Variants in ABCA8 observed in about 807,000 individuals in gnomAD.
The protein encoded by ABCA8 is ATP binding cassette subfamily A member 8.
In ABCA8, 177 loss-of-function variants were observed where a neutral mutation model predicts 192.3. The ratio of observed to expected loss-of-function variants is 0.92; its 90% CI spans 0.81 to 1.04. The LOEUF is 1.04. Ranked by LOEUF, ABCA8 falls within the 50% of genes least tolerant of loss-of-function variation. The probability of loss-of-function intolerance (pLI) is 0.00; values close to 1 mark genes in which losing one functional copy is unlikely to be tolerated. For synonymous variants in ABCA8, 642 were observed against 690.2 expected, an observed-to-expected ratio of 0.93 and a Z score of 1.09; for missense variants, 1,915 against 1,904.8, an observed-to-expected ratio of 1.01 and a Z score of -0.10.
At chr17:68,953,569 C>T (rs1028039451) in intron 1 of ABCA8, among the ~76,000 whole-genome samples, 4 of 152,074 alleles carry the variant, frequency 2.6e-5, no homozygotes, top group Admixed American at 1.3e-4. Context: ...GGCTGAGGGG[C>T]AGGCCTAAGT....
At chr17:68,874,102 C>T (rs190751691) in intron 37 of ABCA8, among the ~76,000 whole-genome samples, 78 of 152,220 alleles carry the variant, frequency 5.1e-4, no homozygotes, top group Admixed American at 4.0e-3. Context: ...TGTTGTTGGC[C>T]CCTTGGATGG....
intron 23 of ABCA8, 79 bp from the exon 24 acceptor site, chr17:68,891,675 G>T: frequency 9.2e-7 from 1 of 1,091,604 alleles, no homozygotes; most frequent in Non-Finnish European, 1.3e-6. Flanking sequence ...TAAAATTTTA[G>T]ACTAAGTTTA....
chr17:68,950,872 A>T (rs2068549746), intron 1 of ABCA8, among the ~76,000 whole-genome samples: 1 of 152,130 alleles, frequency 6.6e-6, no homozygotes, highest in African/African-American at 2.4e-5. Flanking sequence ...AGTTTTTGTC[A>T]TCAAGGCAGG....
intron 4 of ABCA8, among the ~76,000 whole-genome samples, chr17:68,938,406 G>A (rs2068131198): frequency 6.6e-6 from 1 of 151,996 alleles, no homozygotes; most frequent in Non-Finnish European, 1.5e-5. Context: ...AAGCTTGAGT[G>A]GAATTTGGAC....
intron 7 of ABCA8, among the ~76,000 whole-genome samples, chr17:68,931,543 C>G (rs1402349495): frequency 6.6e-6 from 1 of 151,906 alleles, no homozygotes; most frequent in East Asian, 1.9e-4. Context: ...TTATCTTCCT[C>G]CTTTCTAAAA....
In ABCA8 at chr17:68,917,413, C is replaced by A. The variant is rs755088665; in HGVS notation, c.2086G>T (p.Ala696Ser). 4 of 1,612,092 alleles carry A rather than the reference C, an allele frequency of 2.5e-6. No homozygotes were observed. The African/African-American group carries it at 4.0e-5, about 16-fold the overall frequency. Residue 696 changes from alanine to serine, a missense_variant, in exon 17 of 40, where the codon GCG (alanine) becomes TCG (serine). Ala to Ser is a moderately conservative substitution (Grantham distance 99). Coordinates refer to ENST00000586539, the MANE Select transcript of ABCA8 (RefSeq NM_001288985.2). ...VFLSQGKLKC[A>S]GSSLFLKKKW... Reference sequence around the variant, plus strand: ...TTCTTTAGAAACAAAGAAGAGCCCGCGCACTTTAGCTTCCCTTGGGAGAGA... The same window carrying A: ...TTCTTTAGAAACAAAGAAGAGCCCGAGCACTTTAGCTTCCCTTGGGAGAGA...
At position 68,924,704 on chromosome 17, in the gene ABCA8, A is replaced by C; in HGVS notation, c.1439T>G (p.Ile480Ser). The C allele has an allele frequency of 1.2e-6, 2 of 1,612,590 alleles. No homozygotes were observed. The highest frequency in any genetic ancestry group is 1.7e-6 in the Non-Finnish European group (2 of 1,179,552). ...TCTCCACCTGCAGCCTTATTACCTG[A>C]TGGCTTCTTTCCCTTGGAATTCTGG... is the stretch of plus-strand genomic sequence containing the variant. The part of the protein sequence containing the change: ...APPEFQGKEA[I>S]RIRNVTKEYK... The change falls in exon 11 of 40, where the codon ATC becomes AGC. Residue 480 changes from isoleucine (I) to serine (S), a missense_variant. Ile to Ser is a moderately radical substitution (Grantham distance 142). Coordinates refer to ENST00000586539, the MANE Select transcript of ABCA8 (RefSeq NM_001288985.2).
At chr17:68,868,221 G>C in intron 39 of ABCA8, 38 bp from the exon 40 acceptor site, 1 of 1,605,474 alleles carries the variant, frequency 6.2e-7, no homozygotes, top group Non-Finnish European at 8.5e-7. Flanking sequence ...GGAGAACAAT[G>C]CCGTGCTGCC....
rs765108435 is a variant in ABCA8, at chr17:68,924,768, C to G, written c.1375G>C (p.Ala459Pro). 1.9e-6 allele frequency: 3 copies of G among 1,614,122 alleles called. No homozygotes were observed. Among genetic ancestry groups the G allele is most frequent in the Non-Finnish European group, 2.5e-6 (3 of 1,179,978 alleles). Residue 459 changes from alanine to proline, a missense_variant, in exon 11 of 40, where the codon GCC becomes CCC. By Grantham distance (27) the Ala-to-Pro change is conservative. Transcript: ENST00000586539. The stretch of plus-strand genomic sequence containing the variant: ...AAAGAGTCATGAAATGAAGGATCGG[C>G]ATCCATTTCATCTTCAAGGGCCACG... ...DHVALEDEMD[A>P]DPSFHDSFEQ...
chr17:68,917,530 T>C, intron 16 of ABCA8, 79 bp from the exon 17 acceptor site: 1 of 986,468 alleles, frequency 1.0e-6, no homozygotes, highest in Non-Finnish European at 1.5e-6. Context: ...GGTAATCATC[T>C]ATATAATCAA....
chr17:68,899,507 T>C (rs1206793198), intron 21 of ABCA8, among the ~76,000 whole-genome samples: 4 of 152,014 alleles, frequency 2.6e-5, no homozygotes, highest in African/African-American at 9.7e-5. Flanking sequence ...CTAGAAAGCA[T>C]AAGAGACATT....
chr17:68,923,634 G>A (rs1328495121), intron 11 of ABCA8, among the ~76,000 whole-genome samples: 2 of 152,214 alleles, frequency 1.3e-5, no homozygotes, highest in African/African-American at 2.4e-5. Flanking sequence ...TAAAGCCACT[G>A]TTTTGCTCTG....
At position 68,911,760 on chromosome 17, in the gene ABCA8, C is replaced by CACAA. The variant is rs1162207125; in HGVS notation, c.2139-3882_2139-3881insTTGT. ...ACACACACACACACACACACACACA[C>CACAA]ACACACACACTCCATTTGGAGAAAG... On this transcript the variant is annotated intron_variant, in intron 17 of 39. Transcript: ENST00000586539. This position sits in a 1 kb window ranked among gnomAD's most constrained non-coding sequence, Gnocchi z 5.7. 1.3e-5 allele frequency among the ~76,000 whole-genome samples: 2 copies of CACAA among 151,780 alleles called. No homozygotes were observed. Among genetic ancestry groups the CACAA allele is most frequent in the Non-Finnish European group, 2.9e-5 (2 of 67,982 alleles).
At chr17:68,886,920 C>G (rs577676978) in intron 26 of ABCA8, 97 bp downstream of exon 26, 15 of 649,018 alleles carry the variant, frequency 2.3e-5, no homozygotes, top group Middle Eastern at 3.4e-4. Flanking sequence ...TATTATAGAC[C>G]ATAATATTAT....
At chr17:68,894,397 G>A (rs2066695614) in intron 22 of ABCA8, 87 bp from the exon 23 acceptor site, 1 of 1,218,550 alleles carries the variant, frequency 8.2e-7, no homozygotes, top group East Asian at 2.5e-5. Flanking sequence ...TAAATTAAGA[G>A]GTTATGTTTT....
rs1598228344 is a variant in ABCA8, at chr17:68,903,402, T to C, written c.2496A>G (p.Arg832=). 1 of 1,614,196 alleles carries C rather than the reference T, an allele frequency of 6.2e-7. No homozygotes were observed. The highest frequency in any genetic ancestry group is 8.5e-7 in the Non-Finnish European group (1 of 1,180,024). The part of the protein sequence containing the change: ...EQVLSSLNKM[R]KTIGGVALWR... ...AGAGAGCCACACCACCTATTGTCTT[T>C]CTCATCTTGTTAAGTGAAGAGAGGA... Residue 832 remains arginine, a synonymous_variant, in exon 20 of 40, where the codon AGA becomes AGG. Coordinates refer to ENST00000586539, the MANE Select transcript of ABCA8 (RefSeq NM_001288985.2).
chr17:68,884,347 A>T lies in ABCA8; in HGVS notation c.3599T>A (p.Phe1200Tyr). 1.3e-6 allele frequency: 2 copies of T among 1,586,120 alleles called. No homozygotes were observed. Among genetic ancestry groups the T allele is most frequent in the Non-Finnish European group, 1.7e-6 (2 of 1,171,482 alleles). ...TGTTCTTACAATTAGGAATACCAGA[A>T]ATGGCTGTACATCCATTCGTTCTTC... ...FSEERMDVQP[F>Y]LVFLIPFLHF... is the part of the protein sequence containing the mutation. Residue 1200 changes from phenylalanine (F) to tyrosine (Y), a missense_variant, in exon 28 of 40, where the codon TTT (phenylalanine) becomes TAT (tyrosine). Transcript: ENST00000586539.
chr17:68,903,417 T>G lies in ABCA8; in HGVS notation c.2481A>C (p.Ser827=), dbSNP rs769621989. 3.7e-6 allele frequency: 6 copies of G among 1,613,976 alleles called. No homozygotes were observed. The African/African-American group carries it at 5.3e-5, about 14-fold the overall frequency. The change falls in exon 20 of 40, where the codon TCA becomes TCC. Residue 827 remains serine (S), a synonymous_variant. Transcript: ENST00000586539. ...RLVEMEQVLS[S]LNKMRKTIGG... is the part of the protein sequence containing the mutation. The stretch of plus-strand genomic sequence containing the variant: ...CTATTGTCTTTCTCATCTTGTTAAG[T>G]GAAGAGAGGACTTGTTCCATCTCAA...
intron 2 of ABCA8, among the ~76,000 whole-genome samples, chr17:68,943,949 A>G (rs2068303391): frequency 6.6e-6 from 1 of 152,152 alleles, no homozygotes; most frequent in Non-Finnish European, 1.5e-5. Flanking sequence ...TGTGGCATAT[A>G]TACACCATGG....
Sources: allele counts gnomAD v4.1 joint callset (sites outside exome capture counted in the v4.1 genomes callset), GRCh38; gene constraint gnomAD v4.1.1; non-coding constraint Gnocchi (gnomAD v3.1); transcripts MANE v1.5; gene names NCBI Gene and HGNC (gene_info 2026-07-23, HGNC 2026-07-21).